CFAP251: variants seen among roughly 807,000 people sequenced by gnomAD.
The protein encoded by CFAP251 is cilia and flagella associated protein 251.
A neutral mutation model predicts 126.7 loss-of-function variants in CFAP251; 93 were observed. The ratio of observed to expected loss-of-function variants is 0.73; its 90% CI spans 0.62 to 0.87. CFAP251 has a LOEUF of 0.87. Ranked by LOEUF, CFAP251 falls within the 40% of genes least tolerant of loss-of-function variation. The pLI is 0.00. For missense variants in CFAP251, 1,287 were observed against 1,389.2 expected (o/e 0.93, Z 1.17); for synonymous variants, 503 against 506.9 (o/e 0.99, Z 0.10).
intron 17 of CFAP251, among the ~76,000 whole-genome samples, chr12:121,968,622 A>G (rs1384489943): frequency 1.3e-5 from 2 of 152,006 alleles, no homozygotes; most frequent in Non-Finnish European, 2.9e-5. Flanking sequence ...GAGTATGTGG[A>G]CTTTGAGGTG....
intron 17 of CFAP251, among the ~76,000 whole-genome samples, chr12:121,973,754 C>A (rs1323773378): frequency 6.6e-6 from 1 of 152,184 alleles, no homozygotes; most frequent in Non-Finnish European, 1.5e-5. Context: ...CCCTTTGTTT[C>A]GGCCAATTCC....
chr12:121,994,300 G>A (rs1363239706), intron 19 of CFAP251, among the ~76,000 whole-genome samples: 1 of 36,758 alleles, frequency 2.7e-5, no homozygotes, highest in Non-Finnish European at 6.0e-5. Flanking sequence ...CAGCCCCCCC[G>A]CTCGGCCAGC....
chr12:121,927,635 G>A (rs1357177311), intron 3 of CFAP251, among the ~76,000 whole-genome samples: 1 of 152,060 alleles, frequency 6.6e-6, no homozygotes, highest in Non-Finnish European at 1.5e-5. Context: ...CCCTTTCTGT[G>A]GCCATTTAGG....
chr12:121,952,842 A>G (rs563130453), intron 9 of CFAP251: 10 of 152,296 alleles, frequency 6.6e-5, no homozygotes, highest in Admixed American at 2.0e-4. Flanking sequence ...TCATAAATGA[A>G]AGTACTAAAA....
intron 19 of CFAP251, among the ~76,000 whole-genome samples, chr12:121,983,974 T>C (rs945258185): frequency 5.9e-5 from 9 of 152,224 alleles, no homozygotes; most frequent in African/African-American, 1.9e-4. Flanking sequence ...CCTACTGAGA[T>C]GTAGCCGCTC....
At chr12:121,978,824 G>A (rs11830915) in intron 19 of CFAP251, among the ~76,000 whole-genome samples, 8,916 of 152,240 alleles carry the variant, frequency 0.059, 841 homozygotes, top group African/African-American at 0.2. Flanking sequence ...CAGAGACACA[G>A]CTGTGTGGAG....
At position 121,992,387 on chromosome 12, in the gene CFAP251, G is replaced by A. The variant is rs548106074; in HGVS notation, c.3007-7329G>A. Reference sequence around the variant, plus strand: ...TCTTGATCAGTCATACGGGAAGAGAGAGTAAGAGGTGAATCACATGCTGAG... The same window carrying A: ...TCTTGATCAGTCATACGGGAAGAGAAAGTAAGAGGTGAATCACATGCTGAG... On this transcript the variant is annotated intron_variant, in intron 19 of 21. Transcript: ENST00000288912. 174 of 985,400 alleles carry A rather than the reference G, an allele frequency of 1.8e-4. No homozygotes were observed. In the African/African-American group the frequency reaches 2.8e-3, roughly 16 times the overall value. 61.0% of individuals were successfully genotyped at this position (985,400 alleles called of 1,614,324 possible).
At chr12:121,967,823 C>G (rs549935674) in intron 16 of CFAP251, among the ~76,000 whole-genome samples, 183 bp from the exon 17 acceptor site, 1 of 152,216 alleles carries the variant, frequency 6.6e-6, no homozygotes, top group Non-Finnish European at 1.5e-5. Flanking sequence ...TGCAAGGGGC[C>G]CCCTACCAGG....
intron 2 of CFAP251, 123 bp from the exon 3 acceptor site, chr12:121,923,498 TA>T: frequency 7.6e-7 from 1 of 1,317,198 alleles, no homozygotes; most frequent in Non-Finnish European, 1.0e-6. Context: ...CAGCCTCTTT[TA>T]AAAAACATTT....
At chr12:122,000,154 T>C (rs927878185) in intron 20 of CFAP251, among the ~76,000 whole-genome samples, 2 of 152,142 alleles carry the variant, frequency 1.3e-5, no homozygotes, top group African/African-American at 4.8e-5. Context: ...AGCAAAAGAA[T>C]GTGATTCGTG....
intron 1 of CFAP251, among the ~76,000 whole-genome samples, chr12:121,919,564 CT>C (rs1880072225): frequency 6.6e-6 from 1 of 151,986 alleles, no homozygotes; most frequent in African/African-American, 2.4e-5. Context: ...TAGGATTATT[CT>C]TTTCATTTTG....
At chr12:121,939,721 T>G (rs1234358707) in intron 5 of CFAP251, among the ~76,000 whole-genome samples, 1 of 152,206 alleles carries the variant, frequency 6.6e-6, no homozygotes, top group African/African-American at 2.4e-5. Context: ...TCAGAGGCTG[T>G]TTTGGTTTTA....
Position 121,999,782 on chromosome 12 carries a change from A to T in CFAP251, c.3073A>T (p.Ile1025Phe), listed in dbSNP as rs752011706. 1.2e-6 allele frequency: 2 copies of T among 1,613,856 alleles called. No individual in the cohort carries two copies. Among genetic ancestry groups the T allele is most frequent in the Non-Finnish European group, 1.7e-6 (2 of 1,179,900 alleles). Residue 1025 changes from isoleucine (I) to phenylalanine (F), a missense_variant, in exon 20 of 22, where the codon ATC becomes TTC. Physicochemically the swap from Ile to Phe is conservative, Grantham distance 21. Coordinates refer to ENST00000288912, the MANE Select transcript of CFAP251 (RefSeq NM_144668.6). ...YVDTGKLIDK[I>F]NLPDFLKVYL... ...GGACACTGGAAAGCTAATCGACAAG[A>T]TCAACTTACCAGATTTCCTAAAAGT...
chr12:121,945,385 C>T lies in CFAP251; in HGVS notation c.1191+2410C>T, dbSNP rs538576011. Among the ~76,000 whole-genome samples, 5 of 151,966 alleles carry T rather than the reference C, an allele frequency of 3.3e-5. No homozygotes were observed. In the South Asian group the frequency reaches 1.0e-3, roughly 32 times the overall value. On this transcript the variant is annotated intron_variant, in intron 7 of 21. Coordinates refer to ENST00000288912, the MANE Select transcript of CFAP251 (RefSeq NM_144668.6). Reference sequence around the variant, plus strand: ...TTGAGATGGAGTCTCATTCTGTTGCCCAGGCTGGAGTGCGGTGGCACGATC... The same window carrying T: ...TTGAGATGGAGTCTCATTCTGTTGCTCAGGCTGGAGTGCGGTGGCACGATC...
chr12:121,958,587 C>G, intron 12 of CFAP251, 65 bp downstream of exon 12: 2 of 1,596,468 alleles, frequency 1.3e-6, no homozygotes, highest in South Asian at 2.3e-5. Flanking sequence ...ATGGATGCAC[C>G]TGGGCTGGCA....
At chr12:121,987,715 CAAAA>C (rs67772162) in intron 19 of CFAP251, among the ~76,000 whole-genome samples, 8 of 85,038 alleles carry the variant, frequency 9.4e-5, no homozygotes, top group Admixed American at 2.3e-4. Context: ...GACTCCGTCT[CAAAA>C]AAAAAAAAAA....
chr12:121,970,439 C>A (rs938268432), intron 17 of CFAP251, among the ~76,000 whole-genome samples: 5 of 152,122 alleles, frequency 3.3e-5, no homozygotes, highest in Non-Finnish European at 5.9e-5. Flanking sequence ...CTTCACTTCT[C>A]GGAGCCTCAG....
intron 1 of CFAP251, among the ~76,000 whole-genome samples, chr12:121,920,937 C>T (rs1592957087): frequency 6.6e-6 from 1 of 151,860 alleles, no homozygotes; most frequent in Non-Finnish European, 1.5e-5. Flanking sequence ...CAACCTCTGC[C>T]TCCCAGGTTC....
At chr12:121,993,664 G>C (rs1228899377) in intron 19 of CFAP251, among the ~76,000 whole-genome samples, 1 of 138,942 alleles carries the variant, frequency 7.2e-6, no homozygotes, top group Non-Finnish European at 1.6e-5. Context: ...CCGAGACCCC[G>C]TCTGGGAGGT....
Sources: allele counts gnomAD v4.1 joint callset (sites outside exome capture counted in the v4.1 genomes callset), GRCh38; gene constraint gnomAD v4.1.1; transcripts MANE v1.5; gene names NCBI Gene and HGNC (gene_info 2026-07-23, HGNC 2026-07-21).